Variants in JPH1 observed in about 807,000 individuals in gnomAD.
JPH1 encodes the protein junctophilin-1.
A neutral mutation model predicts 53.6 loss-of-function variants in JPH1; 12 were observed. The ratio of observed to expected loss-of-function variants is 0.22; its 90% CI spans 0.14 to 0.36. The LOEUF is 0.36. JPH1 is among the 10% of genes least tolerant of loss of function. JPH1 has a pLI of 1.00. For missense variants in JPH1, 808 were observed against 905.5 expected, an observed-to-expected ratio of 0.89 and a Z score of 1.38; for synonymous variants, 375 against 363.8, an observed-to-expected ratio of 1.03 and a Z score of -0.35.
rs778801455 is a variant in JPH1 at position 74,315,323 on chromosome 8, G to A, written c.677C>T (p.Ser226Phe). 2.5e-6 allele frequency: 4 copies of A among 1,613,810 alleles called. No homozygotes were observed. The highest frequency in any genetic ancestry group is 3.3e-5 in the Admixed American group (2 of 60,026). The change falls in exon 2 of 6, where the codon TCC becomes TTC. Residue 226 changes from serine to phenylalanine, a missense_variant. Transcript: ENST00000342232. This position sits in a 1 kb window ranked among gnomAD's most constrained non-coding sequence, Gnocchi z 6.3. Reference sequence around the variant, plus strand: ...GCTCGAGATGGAAGACTTGGATTCGGACTTGCGAAGTTTCATGCTTCCAAG... The same window carrying A: ...GCTCGAGATGGAAGACTTGGATTCGAACTTGCGAAGTTTCATGCTTCCAAG... ...SLLGSMKLRKSESKSSISSKR... is the reference protein window; with the variant it reads ...SLLGSMKLRKFESKSSISSKR...
chr8:74,249,289 A>C (rs897665569), intron 3 of JPH1, among the ~76,000 whole-genome samples: 1 of 152,262 alleles, frequency 6.6e-6, no homozygotes, highest in Non-Finnish European at 1.5e-5. Context: ...GTAGTCATTA[A>C]GTAGAAATTA....
intron 3 of JPH1, among the ~76,000 whole-genome samples, chr8:74,251,173 T>G (rs551887302): frequency 6.6e-6 from 1 of 152,190 alleles, no homozygotes; most frequent in Non-Finnish European, 1.5e-5. Context: ...GTGAGAGCAG[T>G]CTTCCAAGGT....
intron 2 of JPH1, among the ~76,000 whole-genome samples, chr8:74,293,275 G>T (rs1205017016): frequency 6.6e-6 from 1 of 152,152 alleles, no homozygotes; most frequent in Non-Finnish European, 1.5e-5. Context: ...GATAGGCCCA[G>T]TGTGGCAGCA....
At chr8:74,313,988 A>T (rs1318596545) in intron 2 of JPH1, among the ~76,000 whole-genome samples, 1 of 152,172 alleles carries the variant, frequency 6.6e-6, no homozygotes, top group Non-Finnish European at 1.5e-5. Context: ...CCAGCTATTA[A>T]TGGTAAAACT....
intron 2 of JPH1, among the ~76,000 whole-genome samples, chr8:74,290,794 T>C (rs1807302422): frequency 6.6e-6 from 1 of 151,998 alleles, no homozygotes; most frequent in Admixed American, 6.6e-5. Flanking sequence ...TATAGACCAA[T>C]GGAACAGAAC....
At chr8:74,271,070 G>C (rs1357392754) in intron 2 of JPH1, among the ~76,000 whole-genome samples, 1 of 152,186 alleles carries the variant, frequency 6.6e-6, no homozygotes, top group Non-Finnish European at 1.5e-5. Context: ...AGAATCTCAA[G>C]AATTACTCTA....
chr8:74,286,640 A>C (rs1807172369), intron 2 of JPH1, among the ~76,000 whole-genome samples: 1 of 152,334 alleles, frequency 6.6e-6, no homozygotes, highest in South Asian at 2.1e-4. Context: ...TACCTGATTT[A>C]TAATTATGTC....
Position 74,321,443 on chromosome 8 carries a change from C to T in JPH1, c.-156G>A, listed in dbSNP as rs561748750. 8,342 of 633,748 alleles carry T rather than the reference C, an allele frequency of 0.013. 84 individuals are homozygous for T. Among genetic ancestry groups the T allele is most frequent in the Middle Eastern group, 0.029 (64 of 2,234 alleles). The allele number at this position is 633,748 out of a possible 1,614,324, so 39.3% of individuals were successfully genotyped here. On this transcript the variant is annotated 5_prime_UTR_variant, in exon 1 of 6. Transcript: ENST00000342232. This position sits in a 1 kb window ranked among gnomAD's most constrained non-coding sequence, Gnocchi z 4.3. ...CGCTCGGCTCCAGTCCGACGCCGCC[C>T]CCGTCCTCCCTCCTCTTTTGCCGCC... is the stretch of plus-strand genomic sequence containing the variant.
intron 3 of JPH1, among the ~76,000 whole-genome samples, chr8:74,247,818 T>C (rs1394652578): frequency 1.3e-5 from 2 of 152,212 alleles, no homozygotes; most frequent in Non-Finnish European, 2.9e-5. Context: ...TCATTCCATA[T>C]TGTATTAAGA....
At chr8:74,306,412 C>G (rs190101432) in intron 2 of JPH1, among the ~76,000 whole-genome samples, 34 of 152,206 alleles carry the variant, frequency 2.2e-4, no homozygotes, top group Admixed American at 1.8e-3. Context: ...AGGCACCCCC[C>G]CTTTCTCCCA....
At chr8:74,313,146 G>T (rs13263313) in intron 2 of JPH1, among the ~76,000 whole-genome samples, 43,227 of 152,124 alleles carry the variant, frequency 0.28, 6,312 homozygotes, top group East Asian at 0.4. Flanking sequence ...CCAAGACTGA[G>T]CTGACTTTAG....
At chr8:74,266,689 A>G (rs1404399777) in intron 2 of JPH1, among the ~76,000 whole-genome samples, 1 of 152,236 alleles carries the variant, frequency 6.6e-6, no homozygotes, top group East Asian at 1.9e-4. Flanking sequence ...TTTATGTTAT[A>G]CATATTTTAC....
At chr8:74,305,974 G>A (rs1370934547) in intron 2 of JPH1, among the ~76,000 whole-genome samples, 2 of 152,110 alleles carry the variant, frequency 1.3e-5, no homozygotes, top group Non-Finnish European at 2.9e-5. Flanking sequence ...GAATGGGCCC[G>A]GACTTGGGAG....
chr8:74,315,514 C>A lies in JPH1; in HGVS notation c.486G>T (p.Ser162=). Residue 162 remains serine, a synonymous_variant, in exon 2 of 6, where the codon TCG becomes TCT. Transcript: ENST00000342232. This position sits in a 1 kb window ranked among gnomAD's most constrained non-coding sequence, Gnocchi z 6.3. ...TCTGCTCGCTGCGCAGCGAGGCCAG[C>A]GAGGTACGCAGCGGTGAGCGGATCA... is the stretch of plus-strand genomic sequence containing the variant. ...ATVIRSPLRT[S]LASLRSEQSN... is the part of the protein sequence containing the mutation. 6.2e-7 allele frequency: 1 copy of A among 1,605,342 alleles called. No homozygotes were observed. The highest frequency in any genetic ancestry group is 8.5e-7 in the Non-Finnish European group (1 of 1,177,078).
intron 4 of JPH1, among the ~76,000 whole-genome samples, chr8:74,239,063 C>T (rs1190260437): frequency 1.3e-5 from 2 of 151,946 alleles, no homozygotes; most frequent in Non-Finnish European, 2.9e-5. Context: ...CATGAGTCCC[C>T]TTTAAGTGGG....
At chr8:74,298,523 T>A (rs1807584067) in intron 2 of JPH1, among the ~76,000 whole-genome samples, 1 of 152,184 alleles carries the variant, frequency 6.6e-6, no homozygotes, top group Non-Finnish European at 1.5e-5. Context: ...TGAAACGGTT[T>A]CCACTTGTGT....
intron 4 of JPH1, among the ~76,000 whole-genome samples, chr8:74,238,750 C>G (rs111852962): frequency 6.6e-6 from 1 of 152,290 alleles, no homozygotes; most frequent in African/African-American, 2.4e-5. Context: ...CTTGACCTCC[C>G]AGGTTCAAGC....
At chr8:74,316,426 T>C (rs1808160147) in intron 1 of JPH1, among the ~76,000 whole-genome samples, 2 of 152,220 alleles carry the variant, frequency 1.3e-5, no homozygotes, top group South Asian at 4.1e-4. Flanking sequence ...CACCACAGAC[T>C]AGAAGCACCC....
At chr8:74,255,352 C>G (rs1057352180) in intron 3 of JPH1, among the ~76,000 whole-genome samples, 1 of 152,032 alleles carries the variant, frequency 6.6e-6, no homozygotes, top group African/African-American at 2.4e-5. Flanking sequence ...ATGTAGAAAG[C>G]TGAAACTGGA....
Sources: gnomAD v4.1 joint callset for allele counts (sites outside exome capture counted in the v4.1 genomes callset) on GRCh38, gnomAD v4.1.1 for gene constraint, Gnocchi (gnomAD v3.1) non-coding constraint, MANE v1.5 for transcripts, NCBI Gene and HGNC (gene_info 2026-07-23, HGNC 2026-07-21) for gene names.